UBE2H: variants seen among roughly 807,000 people sequenced by gnomAD.
UBE2H encodes ubiquitin-conjugating enzyme E2 H.
A neutral mutation model predicts 29.0 loss-of-function variants in UBE2H; 3 were observed. That is an observed-to-expected ratio of 0.10 (90% CI 0.05 to 0.27). UBE2H has a LOEUF of 0.27. Ranked by LOEUF, UBE2H falls within the 10% of genes least tolerant of loss-of-function variation. The probability of loss-of-function intolerance (pLI) is 1.00; values close to 1 mark genes in which losing one functional copy is unlikely to be tolerated. For missense variants in UBE2H, 68 were observed against 228.2 expected, an observed-to-expected ratio of 0.30 and a Z score of 4.52; for synonymous variants, 69 against 82.9, an observed-to-expected ratio of 0.83 and a Z score of 0.91.
chr7:129,942,448 T>C (rs965725344), intron 1 of UBE2H, among the ~76,000 whole-genome samples: 2 of 151,918 alleles, frequency 1.3e-5, no homozygotes, highest in African/African-American at 2.4e-5. Context: ...GATCATGCCA[T>C]TGCACTCCAG....
At chr7:129,939,004 G>A (rs1290710763) in intron 1 of UBE2H, among the ~76,000 whole-genome samples, 1 of 151,978 alleles carries the variant, frequency 6.6e-6, no homozygotes, top group Non-Finnish European at 1.5e-5. Flanking sequence ...TCACCATGTT[G>A]GCCAGGCTGG....
At chr7:129,902,598 T>TC (rs1177573598) in intron 1 of UBE2H, among the ~76,000 whole-genome samples, 1 of 152,106 alleles carries the variant, frequency 6.6e-6, no homozygotes, top group Admixed American at 6.5e-5. Context: ...GAGGCCCATC[T>TC]CCCCCATTTC....
intron 1 of UBE2H, among the ~76,000 whole-genome samples, chr7:129,905,718 CTTGAGTTATCTCAAG>C (rs1376725569): frequency 6.6e-6 from 1 of 152,190 alleles, no homozygotes; most frequent in Non-Finnish European, 1.5e-5. Flanking sequence ...ATGTTTCTGG[CTTGAGTTATCTCAAG>C]TTGAGTTATC....
intron 1 of UBE2H, among the ~76,000 whole-genome samples, chr7:129,909,973 TA>T (rs372667718): frequency 7.2e-4 from 109 of 151,654 alleles, no homozygotes; most frequent in African/African-American, 2.3e-3. Flanking sequence ...AAAACAAATA[TA>T]GAGGGGGGGT....
chr7:129,930,909 C>CAAAAAA (rs71175050), intron 1 of UBE2H, among the ~76,000 whole-genome samples: 38 of 34,264 alleles, frequency 1.1e-3, no homozygotes, highest in Admixed American at 2.7e-3. Flanking sequence ...CCCCGTCTCA[C>CAAAAAA]AAAAAAAAAA....
At chr7:129,936,921 T>C (rs1011748919) in intron 1 of UBE2H, among the ~76,000 whole-genome samples, 5 of 149,204 alleles carry the variant, frequency 3.4e-5, no homozygotes, top group African/African-American at 1.2e-4. Flanking sequence ...GAGGTTGCAG[T>C]GAGCCGAGAT....
intron 1 of UBE2H, among the ~76,000 whole-genome samples, chr7:129,950,376 T>C (rs867464236): frequency 6.6e-6 from 1 of 152,026 alleles, no homozygotes; most frequent in South Asian, 2.1e-4. Flanking sequence ...AAATAAGCTA[T>C]GAAATAAGCC....
At chr7:129,949,020 T>C (rs1807820805) in intron 1 of UBE2H, 1 of 456,616 alleles carries the variant, frequency 2.2e-6, no homozygotes, top group South Asian at 1.5e-5. Context: ...GGGCGGCCAA[T>C]GAGCGCTGAG....
chr7:129,850,874 C>CAGAGAGAGAGAAAGG (rs1004555025), intron 5 of UBE2H, among the ~76,000 whole-genome samples: 1 of 141,186 alleles, frequency 7.1e-6, no homozygotes, highest in Non-Finnish European at 1.5e-5. Context: ...GGGGGAGGGA[C>CAGAGAGAGAGAAAGG]AGAGAGAGAG....
intron 1 of UBE2H, among the ~76,000 whole-genome samples, chr7:129,919,813 C>T (rs1175806685): frequency 2.0e-5 from 3 of 152,150 alleles, no homozygotes; most frequent in Non-Finnish European, 4.4e-5. Flanking sequence ...AGAAAGAAGG[C>T]ACCAAAAATA....
chr7:129,883,169 C>T (rs1387732303), intron 1 of UBE2H, among the ~76,000 whole-genome samples: 3 of 152,120 alleles, frequency 2.0e-5, no homozygotes, highest in Non-Finnish European at 2.9e-5. Context: ...CAGTGGAGTA[C>T]GAATTAGTAC....
At chr7:129,868,225 T>C (rs1264872121) in intron 3 of UBE2H, among the ~76,000 whole-genome samples, 1 of 152,194 alleles carries the variant, frequency 6.6e-6, no homozygotes, top group Non-Finnish European at 1.5e-5. Flanking sequence ...GCAAGTGTGA[T>C]GGAAGTTTTA....
In UBE2H at chr7:129,834,923, A is replaced by C. The variant is rs752067435; in HGVS notation, c.*14T>G. ...GGAAATAATAGTCTTTCTGAAAAGC[A>C]GGTGCTTTTTCTACTACAACTCCAT... On this transcript the variant is annotated 3_prime_UTR_variant, in exon 7 of 7. Transcript: ENST00000355621. 4.0e-5 allele frequency: 65 copies of C among 1,612,120 alleles called. No individual in the cohort carries two copies. Among genetic ancestry groups the C allele is most frequent in the Non-Finnish European group, 2.0e-5 (24 of 1,179,902 alleles).
chr7:129,864,283 G>A (rs566970125), intron 3 of UBE2H, among the ~76,000 whole-genome samples: 5 of 152,104 alleles, frequency 3.3e-5, no homozygotes, highest in Non-Finnish European at 5.9e-5. Flanking sequence ...CCAGAAATTC[G>A]GAAAAGGAAT....
intron 1 of UBE2H, among the ~76,000 whole-genome samples, chr7:129,938,830 C>G (rs1370414673): frequency 6.6e-6 from 1 of 151,126 alleles, no homozygotes; most frequent in African/African-American, 2.4e-5. Context: ...GACAGAGTCT[C>G]AGTCTGTCAC....
intron 5 of UBE2H, among the ~76,000 whole-genome samples, chr7:129,855,186 G>A (rs1805682434): frequency 1.3e-5 from 2 of 152,168 alleles, no homozygotes; most frequent in South Asian, 4.1e-4. Context: ...CAGTGAAACT[G>A]TTATTTTTTT....
In UBE2H at chr7:129,831,952, G is replaced by A. The variant is rs561126042; in HGVS notation, c.*2985C>T. On this transcript the variant is annotated 3_prime_UTR_variant, in exon 7 of 7. Coordinates refer to ENST00000355621, the MANE Select transcript of UBE2H (RefSeq NM_003344.4). ...AAACTATGGGCACTAAAAAGGGGAG[G>A]GAAACCGCCAGAAGTGGCTCTGACC... 1 of 152,430 alleles carries A rather than the reference G, an allele frequency of 6.6e-6. No individual in the cohort carries two copies. Among genetic ancestry groups the A allele is most frequent in the Admixed American group, 6.5e-5 (1 of 15,296 alleles). The allele number at this position is 152,430 out of a possible 1,614,324, so 9.4% of individuals were successfully genotyped here.
At chr7:129,846,763 C>G (rs1398300156) in intron 5 of UBE2H, among the ~76,000 whole-genome samples, 1 of 152,138 alleles carries the variant, frequency 6.6e-6, no homozygotes, top group Non-Finnish European at 1.5e-5. Context: ...TCAGAAACCA[C>G]CACCAAGTGG....
intron 5 of UBE2H, among the ~76,000 whole-genome samples, chr7:129,843,517 T>C (rs894251962): frequency 6.6e-6 from 1 of 152,126 alleles, no homozygotes; most frequent in Non-Finnish European, 1.5e-5. Context: ...TGTTAATGGA[T>C]AAAACACACA....
Sources: allele counts gnomAD v4.1 joint callset (sites outside exome capture counted in the v4.1 genomes callset), GRCh38; gene constraint gnomAD v4.1.1; transcripts MANE v1.5; gene names NCBI Gene and HGNC (gene_info 2026-07-23, HGNC 2026-07-21).